SPHKAP: variants seen among roughly 807,000 people sequenced by gnomAD.
SPHKAP encodes the protein A-kinase anchor protein SPHKAP.
SPHKAP carries 67 observed loss-of-function variants against 137.5 expected under a neutral mutation model. The observed-to-expected ratio is 0.49, with a 90% CI of 0.40 to 0.60. The LOEUF is 0.60. Among genes scored for constraint, SPHKAP ranks in the 20% least tolerant of loss-of-function variants. The pLI is 0.00. For missense variants in SPHKAP, 2,097 were observed against 2,069.3 expected, an observed-to-expected ratio of 1.01 and a Z score of -0.26; for synonymous variants, 813 against 785.3, an observed-to-expected ratio of 1.04 and a Z score of -0.59.
At position 228,027,536 on chromosome 2, in the gene SPHKAP, A is replaced by C. The variant is rs1481570367; in HGVS notation, c.254T>G (p.Phe85Cys). 6.2e-7 allele frequency: 1 copy of C among 1,613,930 alleles called. No homozygotes were observed. Among genetic ancestry groups the C allele is most frequent in the Non-Finnish European group, 8.5e-7 (1 of 1,179,906 alleles). ...DKSENCASVCFVNLDVNKDEC... is the reference protein window; with the variant it reads ...DKSENCASVCCVNLDVNKDEC... The stretch of plus-strand genomic sequence containing the variant: ...ATCCTTGTTCACATCAAGATTCACA[A>C]AGCAGACCTGGGAAAAGAGGGCAAA... The change falls in exon 4 of 12, where the codon TTT becomes TGT. Residue 85 changes from phenylalanine (F) to cysteine (C), a missense_variant. Physicochemically the swap from Phe to Cys is radical, Grantham distance 205. Coordinates refer to ENST00000392056, the MANE Select transcript of SPHKAP (RefSeq NM_001142644.2).
Position 228,018,997 on chromosome 2 carries a change from C to T in SPHKAP, c.1857G>A (p.Leu619=). Residue 619 remains leucine, a synonymous_variant, in exon 7 of 12, where the codon TTG becomes TTA. Transcript: ENST00000392056. ...ELGKEAIAKG[L]LKEAALVLTR... ...TTAAAACCAGAGCAGCCTCCTTGAG[C>T]AATCCCTTGGCAATGGCTTCCTTGC... 1 of 1,614,008 alleles carries T rather than the reference C, an allele frequency of 6.2e-7. No homozygotes were observed. The highest frequency in any genetic ancestry group is 8.5e-7 in the Non-Finnish European group (1 of 1,179,938).
intron 1 of SPHKAP, among the ~76,000 whole-genome samples, chr2:228,139,439 T>A (rs533232144): frequency 1.3e-5 from 2 of 152,300 alleles, no homozygotes; most frequent in African/African-American, 4.8e-5. Context: ...AAATAGAATG[T>A]TATTGGAGAT....
At chr2:228,047,538 G>C (rs1315156190) in intron 3 of SPHKAP, among the ~76,000 whole-genome samples, 1 of 151,622 alleles carries the variant, frequency 6.6e-6, no homozygotes, top group African/African-American at 2.4e-5. Context: ...CTGAATTACA[G>C]ATAAGTTAAG....
At chr2:228,004,276 T>C (rs1694036351) in intron 7 of SPHKAP, among the ~76,000 whole-genome samples, 1 of 152,212 alleles carries the variant, frequency 6.6e-6, no homozygotes. Context: ...AACTTCTTCC[T>C]GGTTTAGTCT....
intron 1 of SPHKAP, among the ~76,000 whole-genome samples, chr2:228,174,867 T>A (rs1225484933): frequency 6.6e-6 from 1 of 151,724 alleles, no homozygotes; most frequent in East Asian, 1.9e-4. Context: ...AACTGTAAGG[T>A]AAAACTAAAT....
intron 7 of SPHKAP, among the ~76,000 whole-genome samples, chr2:228,007,682 A>T (rs1273972220): frequency 6.6e-6 from 1 of 152,226 alleles, no homozygotes; most frequent in Non-Finnish European, 1.5e-5. Context: ...AATAGTAATT[A>T]AAACAGGATG....
intron 1 of SPHKAP, among the ~76,000 whole-genome samples, chr2:228,178,637 A>T (rs556514395): frequency 1.2e-4 from 18 of 152,206 alleles, no homozygotes; most frequent in South Asian, 6.2e-4. Flanking sequence ...GCGATTTTAG[A>T]TTAAAAAAAA....
chr2:228,176,182 T>C (rs1395233562), intron 1 of SPHKAP, among the ~76,000 whole-genome samples: 1 of 152,220 alleles, frequency 6.6e-6, no homozygotes, highest in Non-Finnish European at 1.5e-5. Context: ...CTATCTTCTT[T>C]ACAAAAGAGT....
At chr2:228,023,230 C>G (rs943776966) in intron 5 of SPHKAP, among the ~76,000 whole-genome samples, 7 of 152,142 alleles carry the variant, frequency 4.6e-5, no homozygotes, top group Non-Finnish European at 7.3e-5. Context: ...GTTTAGGAAT[C>G]CCCTGGGGGC....
intron 3 of SPHKAP, among the ~76,000 whole-genome samples, chr2:228,061,052 C>G (rs1696615096): frequency 6.6e-6 from 1 of 152,020 alleles, no homozygotes; most frequent in Non-Finnish European, 1.5e-5. Flanking sequence ...TTGAACTACT[C>G]CATTTCGATA....
At chr2:228,171,306 T>C (rs1351374304) in intron 1 of SPHKAP, among the ~76,000 whole-genome samples, 1 of 152,186 alleles carries the variant, frequency 6.6e-6, no homozygotes, top group Non-Finnish European at 1.5e-5. Flanking sequence ...TAACTTTTCT[T>C]GACTTTGGTT....
chr2:228,018,684 T>C lies in SPHKAP; in HGVS notation c.2170A>G (p.Met724Val), dbSNP rs777656680. The C allele has an allele frequency of 6.8e-6, 11 of 1,614,178 alleles. No homozygotes were observed. The East Asian group carries it at 2.5e-4, about 36-fold the overall frequency. The change falls in exon 7 of 12, where the codon ATG becomes GTG. Residue 724 changes from methionine to valine, a missense_variant. Met to Val is a conservative substitution (Grantham distance 21, BLOSUM62 1). Coordinates refer to ENST00000392056, the MANE Select transcript of SPHKAP (RefSeq NM_001142644.2). ...TCACCAAGCCGTACAATATGACTCA[T>C]CTTCTTGAACGTGAAGCATATCACA... Reference protein sequence around the residue: ...LDVICFTFKKMSHIVRLGECP... With the variant: ...LDVICFTFKKVSHIVRLGECP...
At chr2:228,009,410 A>G (rs1381777158) in intron 7 of SPHKAP, among the ~76,000 whole-genome samples, 1 of 152,178 alleles carries the variant, frequency 6.6e-6, no homozygotes, top group Non-Finnish European at 1.5e-5. Context: ...ACTTTCATCA[A>G]GTCTTACATT....
Position 228,019,970 on chromosome 2 carries a change from G to C in SPHKAP, c.884C>G (p.Ala295Gly), listed in dbSNP as rs61752226. Residue 295 changes from alanine to glycine, a missense_variant, in exon 7 of 12, where the codon GCC becomes GGC. By Grantham distance (60) the Ala-to-Gly change is moderately conservative. Coordinates refer to ENST00000392056, the MANE Select transcript of SPHKAP (RefSeq NM_001142644.2). ...RSPENLTKNT[A>G]LQSLDPSAKP... ...GGCTGAGGGATCTAGACTCTGCAAGGCTGTGTTCTTTGTTAGGTTTTCTGG... is the reference window on the plus strand; with the variant it reads ...GGCTGAGGGATCTAGACTCTGCAAGCCTGTGTTCTTTGTTAGGTTTTCTGG... 2.4e-4 allele frequency: 383 copies of C among 1,614,040 alleles called. No homozygotes were observed. The highest frequency in any genetic ancestry group is 1.5e-3 in the Middle Eastern group (9 of 6,084).
chr2:228,001,294 CAT>C (rs1257387856), intron 7 of SPHKAP, among the ~76,000 whole-genome samples: 14 of 130,964 alleles, frequency 1.1e-4, no homozygotes, highest in Non-Finnish European at 4.8e-5. Context: ...TATATCTATA[CAT>C]ATAAATATAT....
chr2:228,023,128 A>G (rs1694903750), intron 5 of SPHKAP, among the ~76,000 whole-genome samples: 1 of 152,212 alleles, frequency 6.6e-6, no homozygotes, highest in African/African-American at 2.4e-5. Context: ...CACTATTCAT[A>G]TTATTTATTG....
chr2:228,018,629 A>T lies in SPHKAP; in HGVS notation c.2225T>A (p.Ile742Asn), dbSNP rs367705558. ...GCTTGGTTCTGTCTCCCTCCTTCTG[A>T]TGGTCTCCTTAGAAAGGACAGCAGG... Reference protein sequence around the residue: ...ECPAVLSKETIRRRETEPSCQ... With the variant: ...ECPAVLSKETNRRRETEPSCQ... The change falls in exon 7 of 12, where the codon ATC becomes AAC. Residue 742 changes from isoleucine to asparagine, a missense_variant. Transcript: ENST00000392056. The T allele has an allele frequency of 5.0e-6, 8 of 1,614,012 alleles. No homozygotes were observed. In the East Asian group the frequency reaches 1.8e-4, roughly 36 times the overall value.
At chr2:228,129,777 A>G (rs1699188736) in intron 2 of SPHKAP, among the ~76,000 whole-genome samples, 1 of 151,218 alleles carries the variant, frequency 6.6e-6, no homozygotes, top group Non-Finnish European at 1.5e-5. Context: ...ATTAAAGATT[A>G]GCTTTAGTTT....
rs372871886 is a variant in SPHKAP at position 228,016,415 on chromosome 2, T to G, written c.4439A>C (p.Gln1480Pro). 60 of 1,589,812 alleles carry G rather than the reference T, an allele frequency of 3.8e-5. No homozygotes were observed. The highest frequency in any genetic ancestry group is 5.0e-5 in the Non-Finnish European group (58 of 1,170,910). ...GAGACGATTCACTCACCTATGGATT[T>G]GACAAGCGCTCACGGCTGTGTCTCC... is the stretch of plus-strand genomic sequence containing the variant. The part of the protein sequence containing the change: ...RGGDTAVSAC[Q>P]IHSDSLDTRD... Residue 1480 changes from glutamine (Q) to proline (P), a missense_variant, in exon 7 of 12, where the codon CAA (glutamine) becomes CCA (proline). Coordinates refer to ENST00000392056, the MANE Select transcript of SPHKAP (RefSeq NM_001142644.2).
Sources: gnomAD v4.1 joint callset for allele counts (sites outside exome capture counted in the v4.1 genomes callset) on GRCh38, gnomAD v4.1.1 for gene constraint, MANE v1.5 for transcripts, NCBI Gene and HGNC (gene_info 2026-07-23, HGNC 2026-07-21) for gene names.